The following AAK1 variants were observed in gnomAD, a reference collection of about 807,000 sequenced individuals.
The protein encoded by AAK1 is AP2 associated kinase 1.
In AAK1, 37 loss-of-function variants were observed where a neutral mutation model predicts 116.0. The observed-to-expected ratio is 0.32, with a 90% confidence interval of 0.25 to 0.42. The LOEUF is 0.42. AAK1 is among the 10% of genes least tolerant of loss of function. AAK1 has a pLI of 1.00. For missense variants in AAK1, 919 were observed against 1,170.6 expected (o/e 0.79, Z 3.14); for synonymous variants, 458 against 439.9 (o/e 1.04, Z -0.51).
At chr2:69,567,112 A>C (rs1192347878) in intron 2 of AAK1, among the ~76,000 whole-genome samples, 1 of 152,186 alleles carries the variant, frequency 6.6e-6, no homozygotes, top group African/African-American at 2.4e-5. Context: ...ACTCTGTTCC[A>C]GCCACAAGAG....
At position 69,492,518 on chromosome 2, in the gene AAK1, C is replaced by CTTTT. The variant is rs987331929; in HGVS notation, c.2365+3463_2365+3466dup. Reference sequence around the variant, plus strand: ...CGTGAGCCACCGTGCCTGGCCAATTCTTTTTTTTTTTTTTTTTTTTTTGAG... The same window carrying CTTTT: ...CGTGAGCCACCGTGCCTGGCCAATTCTTTTTTTTTTTTTTTTTTTTTTTTTTGAG... On this transcript the variant is annotated intron_variant, in intron 17 of 21. Transcript: ENST00000409085. 2.8e-3 allele frequency among the ~76,000 whole-genome samples: 234 copies of CTTTT among 83,370 alleles called. 4 individuals carry two copies. Among genetic ancestry groups the CTTTT allele is most frequent in the Middle Eastern group, 0.013 (1 of 78 alleles). 54.7% of individuals were successfully genotyped at this position (83,370 alleles called of 152,430 possible). A position where few individuals can be genotyped will look rare whatever the true frequency, so the allele number is the denominator to read the frequency against.
chr2:69,578,892 C>A (rs1464275258), intron 2 of AAK1, among the ~76,000 whole-genome samples: 1 of 151,828 alleles, frequency 6.6e-6, no homozygotes, highest in Non-Finnish European at 1.5e-5. Flanking sequence ...CAAGCTCCAC[C>A]TCCCGGGTTC....
intron 17 of AAK1, among the ~76,000 whole-genome samples, chr2:69,485,711 G>A (rs1675270961): frequency 7.7e-6 from 1 of 129,598 alleles, no homozygotes; most frequent in South Asian, 2.6e-4. Context: ...CCAGGCTGGA[G>A]TGCAATGGCA....
chr2:69,500,683 A>G (rs1230815731), intron 16 of AAK1, among the ~76,000 whole-genome samples: 1 of 108,580 alleles, frequency 9.2e-6, no homozygotes, highest in African/African-American at 4.2e-5. Flanking sequence ...ATATATATAT[A>G]TATATATATA....
intron 12 of AAK1, 30 bp downstream of exon 12, chr2:69,518,924 C>T (rs369525462): frequency 4.3e-5 from 64 of 1,505,594 alleles, no homozygotes; most frequent in Non-Finnish European, 5.3e-5. Flanking sequence ...CTCAGATATG[C>T]AAGCAAGGGC....
At chr2:69,520,727 T>G (rs1159231588) in intron 11 of AAK1, 107 bp downstream of exon 11, 1 of 1,285,714 alleles carries the variant, frequency 7.8e-7, no homozygotes, top group African/African-American at 1.5e-5. Context: ...GTTATCTCTG[T>G]GTGCCTCTGG....
intron 2 of AAK1, among the ~76,000 whole-genome samples, chr2:69,577,894 T>G (rs1038262861): frequency 6.6e-6 from 1 of 152,234 alleles, no homozygotes; most frequent in Admixed American, 6.5e-5. Context: ...TCTTAAATTC[T>G]ATTTATTTTC....
chr2:69,556,384 G>A (rs2105083990), intron 3 of AAK1, among the ~76,000 whole-genome samples: 1 of 152,258 alleles, frequency 6.6e-6, no homozygotes, highest in Middle Eastern at 3.4e-3. Flanking sequence ...GGCCAAAAAA[G>A]GGGGAAAGCA....
At chr2:69,506,653 CA>C (rs1464011539) in intron 15 of AAK1, among the ~76,000 whole-genome samples, 2 of 152,166 alleles carry the variant, frequency 1.3e-5, no homozygotes, top group Non-Finnish European at 2.9e-5. Flanking sequence ...CGTGAGCCAC[CA>C]CACCTGGATT....
intron 2 of AAK1, among the ~76,000 whole-genome samples, chr2:69,585,112 C>G (rs1263856581): frequency 6.6e-6 from 1 of 152,016 alleles, no homozygotes; most frequent in African/African-American, 2.4e-5. Flanking sequence ...TAAGTGTTAT[C>G]CAAAAAAACT....
intron 2 of AAK1, among the ~76,000 whole-genome samples, chr2:69,562,785 A>G (rs556172754): frequency 1.3e-5 from 2 of 152,218 alleles, no homozygotes; most frequent in Non-Finnish European, 2.9e-5. Context: ...AGCTACTCGG[A>G]AGCCTGAGGC....
At chr2:69,547,695 A>T (rs1670987518) in intron 3 of AAK1, among the ~76,000 whole-genome samples, 1 of 152,222 alleles carries the variant, frequency 6.6e-6, no homozygotes, top group Non-Finnish European at 1.5e-5. Context: ...AAACAGTCTG[A>T]CAGTTCCTCA....
At chr2:69,563,708 T>C (rs1394771319) in intron 2 of AAK1, among the ~76,000 whole-genome samples, 1 of 152,162 alleles carries the variant, frequency 6.6e-6, no homozygotes, top group Non-Finnish European at 1.5e-5. Flanking sequence ...GTTTCTCTTT[T>C]AAAATAAGGT....
intron 12 of AAK1, among the ~76,000 whole-genome samples, chr2:69,515,372 G>A (rs571350499): frequency 1.3e-5 from 2 of 152,042 alleles, no homozygotes; most frequent in South Asian, 2.1e-4. Context: ...CCCAGGCTGG[G>A]ATGTAGTGGT....
At chr2:69,627,648 G>A (rs1291372535) in intron 2 of AAK1, among the ~76,000 whole-genome samples, 1 of 152,236 alleles carries the variant, frequency 6.6e-6, no homozygotes, top group East Asian at 1.9e-4. Context: ...ACAAGCTATT[G>A]TAGGGGTTTG....
chr2:69,487,805 T>G (rs971284515), intron 17 of AAK1, among the ~76,000 whole-genome samples: 1 of 150,184 alleles, frequency 6.7e-6, no homozygotes, highest in Non-Finnish European at 1.5e-5. Flanking sequence ...TTTTTTTTTT[T>G]TGAGACAGAG....
intron 19 of AAK1, 61 bp downstream of exon 19, chr2:69,480,799 G>T (rs748064366): frequency 6.4e-6 from 9 of 1,409,016 alleles, no homozygotes; most frequent in South Asian, 2.6e-5. Context: ...CAGGTGAAAA[G>T]ACTGGCTCAG....
In AAK1 at chr2:69,499,980, C is replaced by A. The variant is rs867173715; in HGVS notation, c.2270-3900G>T. 3 of 152,088 alleles carry A rather than the reference C, an allele frequency of 2.0e-5. No homozygotes were observed. In the South Asian group the frequency reaches 6.2e-4, roughly 32 times the overall value. The allele number at this position is 152,088 out of a possible 1,614,324, so 9.4% of individuals were successfully genotyped here. A position where few individuals can be genotyped will look rare whatever the true frequency, so the allele number is the denominator to read the frequency against. On this transcript the variant is annotated intron_variant, in intron 16 of 21. Transcript: ENST00000409085. ...GAAAACATATGAAAATAAAGAGGCA[C>A]CATGTGAAGTTTTAAATGTTTGCCT...
At position 69,473,061 on chromosome 2, in the gene AAK1, C is replaced by A; in HGVS notation, c.*2808G>T. On this transcript the variant is annotated 3_prime_UTR_variant, in exon 22 of 22. Transcript: ENST00000409085. Reference sequence around the variant, plus strand: ...CAATATAATAATATATACTTAGGACCCTATACTTCTATAATCTTAAAGACC... The same window carrying A: ...CAATATAATAATATATACTTAGGACACTATACTTCTATAATCTTAAAGACC... The A allele has an allele frequency of 1.0e-6, 1 of 959,796 alleles. No individual in the cohort carries two copies. 59.5% of individuals were successfully genotyped at this position (959,796 alleles called of 1,614,324 possible).
Sources: gnomAD v4.1 joint callset for allele counts (sites outside exome capture counted in the v4.1 genomes callset) on GRCh38, gnomAD v4.1.1 for gene constraint, MANE v1.5 for transcripts, NCBI Gene and HGNC (gene_info 2026-07-23, HGNC 2026-07-21) for gene names.